TMEM178B: variants seen among roughly 807,000 people sequenced by gnomAD.
TMEM178B encodes the protein transmembrane protein 178B.
A neutral mutation model predicts 31.0 loss-of-function variants in TMEM178B; 5 were observed. The ratio of observed to expected loss-of-function variants is 0.16; its 90% CI spans 0.08 to 0.34. The LOEUF is 0.34. Among genes scored for constraint, TMEM178B ranks in the 10% least tolerant of loss-of-function variants. TMEM178B has a pLI of 1.00. For synonymous variants in TMEM178B, 164 were observed against 164.0 expected, an observed-to-expected ratio of 1.00 and a Z score of 0.00; for missense variants, 275 against 400.3, an observed-to-expected ratio of 0.69 and a Z score of 2.67.
chr7:141,193,107 C>G (rs747736691), intron 1 of TMEM178B, among the ~76,000 whole-genome samples: 2 of 152,208 alleles, frequency 1.3e-5, no homozygotes, highest in Non-Finnish European at 2.9e-5. Flanking sequence ...GCCCCTGCAG[C>G]CTGCTTCTCC....
chr7:141,088,705 C>G (rs1167564476), intron 1 of TMEM178B, among the ~76,000 whole-genome samples: 4 of 152,156 alleles, frequency 2.6e-5, no homozygotes. Flanking sequence ...GAGAACATGG[C>G]TCACTGCCAT....
the TMEM178B span, among the ~76,000 whole-genome samples, chr7:141,505,034 G>A: frequency 6.6e-6 from 1 of 152,216 alleles, no homozygotes; most frequent in Admixed American, 6.5e-5. Context: ...TACAGAAATA[G>A]ATAATTCATG....
chr7:141,316,150 C>T (rs1799002113), intron 2 of TMEM178B, among the ~76,000 whole-genome samples: 1 of 152,132 alleles, frequency 6.6e-6, no homozygotes. Flanking sequence ...AAACGGGATT[C>T]AGGCACAACT....
intron 2 of TMEM178B, among the ~76,000 whole-genome samples, chr7:141,328,232 G>A (rs1799232413): frequency 6.6e-6 from 1 of 152,214 alleles, no homozygotes; most frequent in South Asian, 2.1e-4. Context: ...TGGAATGACG[G>A]AGAGGAATGC....
chr7:141,487,852 A>C, the TMEM178B span, among the ~76,000 whole-genome samples: 1 of 151,978 alleles, frequency 6.6e-6, no homozygotes, highest in Non-Finnish European at 1.5e-5. Flanking sequence ...AAATGTAAAA[A>C]TATAAACGTT....
intron 2 of TMEM178B, among the ~76,000 whole-genome samples, chr7:141,356,484 T>C (rs896523295): frequency 2.0e-5 from 3 of 152,130 alleles, no homozygotes; most frequent in Admixed American, 6.5e-5. Context: ...GTGTGGAGCA[T>C]TTTTTCATAT....
intron 1 of TMEM178B, among the ~76,000 whole-genome samples, chr7:141,101,529 T>G (rs1394120118): frequency 6.6e-6 from 1 of 152,234 alleles, no homozygotes; most frequent in Non-Finnish European, 1.5e-5. Flanking sequence ...TACTCTGAGA[T>G]GATTTGAACT....
chr7:141,264,672 A>G (rs1372612136), intron 2 of TMEM178B, among the ~76,000 whole-genome samples: 1 of 152,226 alleles, frequency 6.6e-6, no homozygotes, highest in East Asian at 1.9e-4. Flanking sequence ...GGTGGGTATT[A>G]CACCAAGGAT....
intron 2 of TMEM178B, among the ~76,000 whole-genome samples, chr7:141,346,527 T>C (rs1271348510): frequency 6.6e-6 from 1 of 152,170 alleles, no homozygotes; most frequent in Non-Finnish European, 1.5e-5. Flanking sequence ...ACCTTATAAG[T>C]ATCATGTGCC....
chr7:141,085,871 A>G (rs1482162931), intron 1 of TMEM178B, among the ~76,000 whole-genome samples: 1 of 151,962 alleles, frequency 6.6e-6, no homozygotes, highest in East Asian at 1.9e-4. Context: ...CGGCCCTTCC[A>G]CTTATGAGCA....
At chr7:141,349,955 GCATCCATCCATCCATCCATCCATC>G (rs60758674) in intron 2 of TMEM178B, among the ~76,000 whole-genome samples, 1 of 150,120 alleles carries the variant, frequency 6.7e-6, no homozygotes, top group South Asian at 2.1e-4. Flanking sequence ...ATGCATCCAT[GCATCCATCCATCCATCCATCCATC>G]CATCCATCCA....
chr7:141,277,728 G>T (rs1489418988), intron 2 of TMEM178B, among the ~76,000 whole-genome samples: 1 of 152,168 alleles, frequency 6.6e-6, no homozygotes, highest in East Asian at 1.9e-4. Context: ...TGTATGTATG[G>T]AGGGGCAGCT....
At chr7:141,250,182 G>A (rs1797807285) in intron 2 of TMEM178B, among the ~76,000 whole-genome samples, 1 of 152,116 alleles carries the variant, frequency 6.6e-6, no homozygotes, top group African/African-American at 2.4e-5. Flanking sequence ...TTATTAACTA[G>A]CTAGTTTTAT....
chr7:141,390,049 G>T (rs1007949939), intron 2 of TMEM178B, among the ~76,000 whole-genome samples: 1 of 152,120 alleles, frequency 6.6e-6, no homozygotes, highest in Admixed American at 6.5e-5. Flanking sequence ...CATTGTAGCT[G>T]CATTTCACCT....
At chr7:141,077,392 TA>T (rs1166248092) in intron 1 of TMEM178B, among the ~76,000 whole-genome samples, 1 of 152,222 alleles carries the variant, frequency 6.6e-6, no homozygotes, top group African/African-American at 2.4e-5. Flanking sequence ...CTAAAGAACT[TA>T]GTTATTTGTT....
intron 3 of TMEM178B, among the ~76,000 whole-genome samples, chr7:141,438,955 A>G (rs1801606776): frequency 6.6e-6 from 1 of 152,068 alleles, no homozygotes; most frequent in African/African-American, 2.4e-5. Context: ...AACAAATGTC[A>G]GTTAGAATTT....
At chr7:141,501,612 A>G in the TMEM178B span, among the ~76,000 whole-genome samples, 1 of 152,220 alleles carries the variant, frequency 6.6e-6, no homozygotes, top group Non-Finnish European at 1.5e-5. Context: ...GAGTAAAACA[A>G]ATTACCCTCT....
chr7:141,239,062 T>TTTG (rs559750411), intron 2 of TMEM178B, among the ~76,000 whole-genome samples: 247 of 152,202 alleles, frequency 1.6e-3, no homozygotes, highest in Non-Finnish European at 3.1e-3. Flanking sequence ...CTAGGTTTTT[T>TTTG]TTGTTGTTGT....
chr7:141,220,353 TAATAATAA>T (rs1289855516), intron 2 of TMEM178B, among the ~76,000 whole-genome samples: 883 of 80,414 alleles, frequency 0.011, 10 homozygotes, highest in African/African-American at 0.047. Flanking sequence ...ATAATAATAA[TAATAATAA>T]AATAATAAAT....
Sources: gnomAD v4.1 joint callset for allele counts (sites outside exome capture counted in the v4.1 genomes callset) on GRCh38, gnomAD v4.1.1 for gene constraint, MANE v1.5 for transcripts, NCBI Gene and HGNC (gene_info 2026-07-23, HGNC 2026-07-21) for gene names.